The following RELN variants were observed in gnomAD, a reference collection of about 807,000 sequenced individuals.
The protein encoded by RELN is reelin.
In RELN, 108 loss-of-function variants were observed where a neutral mutation model predicts 427.6. The observed-to-expected ratio is 0.25, with a 90% CI of 0.22 to 0.30. The LOEUF is 0.30. Among genes scored for constraint, RELN ranks in the 10% least tolerant of loss-of-function variants. RELN has a pLI of 1.00. For missense variants in RELN, 3,715 were observed against 4,302.8 expected (o/e 0.86, Z 3.82); for synonymous variants, 1,524 against 1,513.4 (o/e 1.01, Z -0.16).
chr7:103,688,036 G>A (rs559806976), intron 10 of RELN, among the ~76,000 whole-genome samples: 1 of 152,062 alleles, frequency 6.6e-6, no homozygotes, highest in Non-Finnish European at 1.5e-5. Context: ...ATTATATTCT[G>A]GCTCATTCTA....
chr7:103,978,687 A>G (rs7782058), intron 1 of RELN, among the ~76,000 whole-genome samples: 111,200 of 152,114 alleles, frequency 0.73, 41,862 homozygotes, highest in African/African-American at 0.92. Flanking sequence ...GAATACAGAT[A>G]GCTATCCCCT....
chr7:103,522,313 G>T (rs547501467), intron 47 of RELN, 114 bp from the exon 48 acceptor site: 29 of 1,028,404 alleles, frequency 2.8e-5, no homozygotes, highest in Non-Finnish European at 3.8e-5. Flanking sequence ...AAAAGTTACT[G>T]ATTTTCAGAG....
intron 1 of RELN, among the ~76,000 whole-genome samples, chr7:103,920,643 A>T (rs1233758362): frequency 7.1e-6 from 1 of 141,692 alleles, no homozygotes; most frequent in Non-Finnish European, 1.5e-5. Flanking sequence ...GCACAATCTC[A>T]GCTCACTGCA....
chr7:103,937,174 G>C (rs566653178), intron 1 of RELN, among the ~76,000 whole-genome samples: 1 of 152,264 alleles, frequency 6.6e-6, no homozygotes, highest in African/African-American at 2.4e-5. Context: ...TGACAGAAGT[G>C]GGCACGCAAT....
Position 103,551,090 on chromosome 7 carries a change from G to T in RELN, c.6279C>A (p.His2093Gln), listed in dbSNP as rs1830399411. The stretch of plus-strand genomic sequence containing the variant: ...ACCCACAAAGGTGCAGCTTCCCAAA[G>T]TGCACGACCTCCCTCCTCCAGCCCT... Reference protein sequence around the residue: ...TMQGWRREVVHFGKLHLCGSV... With the variant: ...TMQGWRREVVQFGKLHLCGSV... The change falls in exon 41 of 65, where the codon CAC becomes CAA. Residue 2093 changes from histidine to glutamine, a missense_variant. Around this residue, in one of 4 missense-constraint regions of RELN, gnomAD observed 1,310 missense variants for 1,643.0 expected, o/e 0.80. Transcript: ENST00000428762. 1 of 1,613,636 alleles carries T rather than the reference G, an allele frequency of 6.2e-7. No individual in the cohort carries two copies. Among genetic ancestry groups the T allele is most frequent in the Non-Finnish European group, 8.5e-7 (1 of 1,179,970 alleles).
intron 51 of RELN, among the ~76,000 whole-genome samples, chr7:103,507,579 A>G (rs1056112996): frequency 1.2e-4 from 19 of 152,210 alleles, no homozygotes; most frequent in Non-Finnish European, 2.6e-4. Context: ...AAGAGAAAGC[A>G]GGAAAGATCT....
chr7:103,800,337 C>A (rs1298038127), intron 3 of RELN, among the ~76,000 whole-genome samples: 2 of 152,088 alleles, frequency 1.3e-5, no homozygotes, highest in Non-Finnish European at 2.9e-5. Flanking sequence ...TCTTATACAC[C>A]AATAACAGAC....
intron 9 of RELN, among the ~76,000 whole-genome samples, chr7:103,698,389 C>T (rs563212336): frequency 1.3e-5 from 2 of 152,228 alleles, no homozygotes; most frequent in Non-Finnish European, 2.9e-5. Context: ...GAGAAAATGG[C>T]ACACACTGCT....
At chr7:103,677,458 G>T (rs927019393) in intron 11 of RELN, among the ~76,000 whole-genome samples, 1 of 141,372 alleles carries the variant, frequency 7.1e-6, no homozygotes, top group Admixed American at 7.1e-5. Context: ...ATAATAAAAA[G>T]AACAACAACA....
In RELN at chr7:103,989,266, G is replaced by A. The variant is rs752774374; in HGVS notation, c.91C>T (p.Pro31Ser). The change falls in exon 1 of 65, where the codon CCC becomes TCC. Residue 31 changes from proline to serine, a missense_variant. Physicochemically the swap from Pro to Ser is moderately conservative, Grantham distance 74 (BLOSUM62 -1). Coordinates refer to ENST00000428762, the MANE Select transcript of RELN (RefSeq NM_005045.4). This position sits in a 1 kb window ranked among gnomAD's most constrained non-coding sequence, Gnocchi z 4.9. ...AGGAAAAAGAAGGGCGAAAAGCGGG[G>A]GTAATAGCCAGCCGCCGCGCGCGCC... ...LRARAAAGYY[P>S]RFSPFFFLCT... 1 of 1,613,758 alleles carries A rather than the reference G, an allele frequency of 6.2e-7. No homozygotes were observed. The highest frequency in any genetic ancestry group is 8.5e-7 in the Non-Finnish European group (1 of 1,179,946).
At chr7:103,579,087 G>T (rs1322897632) in intron 28 of RELN, among the ~76,000 whole-genome samples, 1 of 152,160 alleles carries the variant, frequency 6.6e-6, no homozygotes, top group African/African-American at 2.4e-5. Flanking sequence ...GCAAAACCCA[G>T]ACATGGTTCC....
chr7:103,538,110 C>G (rs2117124334), intron 45 of RELN, among the ~76,000 whole-genome samples: 1 of 152,332 alleles, frequency 6.6e-6, no homozygotes, highest in Admixed American at 6.5e-5. Flanking sequence ...ACTGACTAAT[C>G]TAATCTTGAC....
intron 1 of RELN, among the ~76,000 whole-genome samples, chr7:103,971,372 T>G (rs1796761911): frequency 6.6e-6 from 1 of 152,042 alleles, no homozygotes; most frequent in Admixed American, 6.6e-5. Context: ...ATTACTAACA[T>G]TAGCAGTTTT....
intron 2 of RELN, among the ~76,000 whole-genome samples, chr7:103,898,642 G>A (rs1327296581): frequency 6.6e-6 from 1 of 151,504 alleles, no homozygotes; most frequent in African/African-American, 2.4e-5. Flanking sequence ...AAATAAGGGT[G>A]TCTCATACTG....
Position 103,589,715 on chromosome 7 carries a change from A to G in RELN, c.4026T>C (p.Ser1342=). 6.2e-7 allele frequency: 1 copy of G among 1,614,042 alleles called. No homozygotes were observed. Among genetic ancestry groups the G allele is most frequent in the Non-Finnish European group, 8.5e-7 (1 of 1,179,864 alleles). ...AGTTTCCTTCGCATCCTTTGCCTGC[A>G]GAAGCCGGGTAACAGCCTTCTTTCA... is the stretch of plus-strand genomic sequence containing the variant. ...FLVKEGCYPA[S]AGKGCEGNSR... Residue 1342 remains serine, a synonymous_variant, in exon 28 of 65, where the codon TCT becomes TCC. Coordinates refer to ENST00000428762, the MANE Select transcript of RELN (RefSeq NM_005045.4).
chr7:103,765,813 TG>T (rs1208008109), intron 4 of RELN, among the ~76,000 whole-genome samples: 2 of 152,216 alleles, frequency 1.3e-5, no homozygotes, highest in East Asian at 3.8e-4. Flanking sequence ...CTAGGAATTT[TG>T]ACTTTGGACT....
rs574408447 is a variant in RELN, at chr7:103,912,242, C to CTGGA, written c.337+4829_337+4832dup. Among the ~76,000 whole-genome samples the CTGGA allele has an allele frequency of 1.8e-3, 274 of 151,284 alleles. 2 individuals are homozygous for CTGGA. Among genetic ancestry groups the CTGGA allele is most frequent in the African/African-American group, 6.4e-3 (265 of 41,110 alleles). On this transcript the variant is annotated intron_variant, in intron 2 of 64. Transcript: ENST00000428762. ...ACAGAGTCTTGCACTGTTGCCCAGG[C>CTGGA]TGGAGTGCAATGGTGTGATCTCGGC...
Position 103,907,658 on chromosome 7 carries a change from T to C in RELN, c.337+9417A>G, listed in dbSNP as rs571695254. Among the ~76,000 whole-genome samples, 6 of 151,946 alleles carry C rather than the reference T, an allele frequency of 3.9e-5. No homozygotes were observed. The South Asian group carries it at 1.3e-3, about 32-fold the overall frequency. ...TAGTTGTACAATCTTGTGAATATACTGCAAATCATTTTAAAGGCTACAGCC... is the reference window on the plus strand; with the variant it reads ...TAGTTGTACAATCTTGTGAATATACCGCAAATCATTTTAAAGGCTACAGCC... On this transcript the variant is annotated intron_variant, in intron 2 of 64. Coordinates refer to ENST00000428762, the MANE Select transcript of RELN (RefSeq NM_005045.4).
chr7:103,725,422 G>A (rs889327651), intron 7 of RELN, among the ~76,000 whole-genome samples: 2 of 152,038 alleles, frequency 1.3e-5, no homozygotes, highest in Non-Finnish European at 2.9e-5. Context: ...GGGTGTGGTG[G>A]TGCATGCCTG....
Sources: allele counts gnomAD v4.1 joint callset (sites outside exome capture counted in the v4.1 genomes callset), GRCh38; gene constraint gnomAD v4.1.1; regional missense constraint gnomAD v4.1.1; non-coding constraint Gnocchi (gnomAD v3.1); transcripts MANE v1.5; gene names NCBI Gene and HGNC (gene_info 2026-07-23, HGNC 2026-07-21).